Variants in INPP4B observed in about 807,000 individuals in gnomAD.
INPP4B encodes the protein inositol polyphosphate-4-phosphatase type II B.
A neutral mutation model predicts 122.5 loss-of-function variants in INPP4B; 55 were observed. The ratio of observed to expected loss-of-function variants is 0.45; its 90% confidence interval spans 0.36 to 0.56. INPP4B has a LOEUF of 0.56. INPP4B is among the 20% of genes least tolerant of loss of function. The pLI, the probability that INPP4B is intolerant of heterozygous loss-of-function variation, is 0.00. For missense variants in INPP4B, 1,000 were observed against 1,097.7 expected (o/e 0.91, Z 1.26); for synonymous variants, 403 against 388.7 (o/e 1.04, Z -0.43).
At chr4:142,620,092 T>C (rs1243205010) in intron 2 of INPP4B, among the ~76,000 whole-genome samples, 1 of 151,926 alleles carries the variant, frequency 6.6e-6, no homozygotes, top group East Asian at 1.9e-4. Flanking sequence ...GAAAGCATCG[T>C]GGAGATTTCT....
intron 7 of INPP4B, among the ~76,000 whole-genome samples, chr4:142,382,498 C>T (rs1315251135): frequency 4.0e-5 from 6 of 149,188 alleles, no homozygotes; most frequent in Non-Finnish European, 8.9e-5. Context: ...GACAGTGAGA[C>T]TCCGTTTCAA....
At chr4:142,225,718 G>A (rs1851253638) in intron 12 of INPP4B, among the ~76,000 whole-genome samples, 1 of 151,782 alleles carries the variant, frequency 6.6e-6, no homozygotes, top group South Asian at 2.1e-4. Context: ...AAGGGGGCAG[G>A]AGAAAAAGAG....
intron 2 of INPP4B, among the ~76,000 whole-genome samples, chr4:142,695,755 C>T (rs1192824566): frequency 6.6e-6 from 1 of 152,134 alleles, no homozygotes; most frequent in Non-Finnish European, 1.5e-5. Context: ...CTCTATCCAA[C>T]AGAGCACTAA....
At chr4:142,798,391 T>C (rs1777554619) in intron 1 of INPP4B, among the ~76,000 whole-genome samples, 1 of 151,884 alleles carries the variant, frequency 6.6e-6, no homozygotes, top group African/African-American at 2.4e-5. Flanking sequence ...TACTTAGAGT[T>C]AAAGCATGAA....
chr4:142,106,416 G>A (rs1404019248), intron 23 of INPP4B, among the ~76,000 whole-genome samples: 1 of 152,042 alleles, frequency 6.6e-6, no homozygotes, highest in Non-Finnish European at 1.5e-5. Context: ...GAGTAGCTGG[G>A]ATCACAGACA....
chr4:142,134,732 G>C (rs1248682940), intron 18 of INPP4B, among the ~76,000 whole-genome samples: 5 of 149,512 alleles, frequency 3.3e-5, no homozygotes, highest in African/African-American at 1.2e-4. Context: ...GGGGGACGGA[G>C]GTTGTGGTGA....
In INPP4B at chr4:142,082,004, AAAAAACTT is replaced by A; in HGVS notation, c.2642+19_2642+26del. ...AACAACTCAAAATGACCTTAAAAGA[AAAAAACTT>A]GAAAAACATGTGAGATACCTTCTCA... is the stretch of plus-strand genomic sequence containing the variant. On this transcript the variant is annotated intron_variant, in intron 25 of 25. Coordinates refer to ENST00000262992, the MANE Select transcript of INPP4B (RefSeq NM_001101669.3). 1 of 1,411,158 alleles carries A rather than the reference AAAAAACTT, an allele frequency of 7.1e-7. No homozygotes were observed. The highest frequency in any genetic ancestry group is 1.9e-5 in the South Asian group (1 of 52,200). 87.4% of individuals were successfully genotyped at this position (1,411,158 alleles called of 1,614,324 possible).
At chr4:142,317,561 C>A (rs990588088) in intron 7 of INPP4B, 1 of 222,156 alleles carries the variant, frequency 4.5e-6, no homozygotes, top group Admixed American at 4.5e-5. Flanking sequence ...AAGAATTTGT[C>A]CTGTATGGAA....
chr4:142,599,255 T>G (rs1032893160), intron 2 of INPP4B, among the ~76,000 whole-genome samples: 1 of 152,138 alleles, frequency 6.6e-6, no homozygotes, highest in Non-Finnish European at 1.5e-5. Context: ...GACTGTCTGC[T>G]AACACCAGTG....
Position 142,160,394 on chromosome 4 carries a change from G to A in INPP4B, c.1527C>T (p.Ser509=). The change falls in exon 17 of 26, where the codon TCC becomes TCT. Residue 509 remains serine (S), a synonymous_variant. Coordinates refer to ENST00000262992, the MANE Select transcript of INPP4B (RefSeq NM_001101669.3). The part of the protein sequence containing the change: ...DQPPVMRGQD[S]IPHHSDYDEE... ...CATCATAGTCTGAATGATGTGGTAT[G>A]GAGTCCTGCCCTCTCATCACTGGGG... 1 of 1,590,472 alleles carries A rather than the reference G, an allele frequency of 6.3e-7. No individual in the cohort carries two copies. The highest frequency in any genetic ancestry group is 8.6e-7 in the Non-Finnish European group (1 of 1,162,644).
intron 19 of INPP4B, 88 bp downstream of exon 19, chr4:142,124,500 T>G (rs1797871494): frequency 3.4e-6 from 4 of 1,187,424 alleles, no homozygotes. Flanking sequence ...AAAATAAAGC[T>G]GTCCCAATAA....
At chr4:142,670,954 G>A (rs933508287) in intron 2 of INPP4B, among the ~76,000 whole-genome samples, 3 of 151,982 alleles carry the variant, frequency 2.0e-5, no homozygotes, top group Non-Finnish European at 4.4e-5. Flanking sequence ...AGAAAGAGGG[G>A]AAGCTAGAAG....
chr4:142,528,012 A>C (rs559048654), intron 2 of INPP4B, among the ~76,000 whole-genome samples: 1 of 152,182 alleles, frequency 6.6e-6, no homozygotes. Flanking sequence ...ATCATGCACT[A>C]AAATGCTAGT....
chr4:142,571,051 G>T (rs1454838263), intron 2 of INPP4B, among the ~76,000 whole-genome samples: 2 of 119,748 alleles, frequency 1.7e-5, no homozygotes, highest in African/African-American at 6.5e-5. Flanking sequence ...CTATCCCAAA[G>T]AATTCCAGGA....
Position 142,440,347 on chromosome 4 carries a change from T to A in INPP4B, c.-126-8962A>T, listed in dbSNP as rs77490843. ...AGGGCTCAAATAAATCCAGGATGAC[T>A]GCATGGAAGAGGCTCCAGGAAGTGA... is the stretch of plus-strand genomic sequence containing the variant. On this transcript the variant is annotated intron_variant, in intron 3 of 25. Coordinates refer to ENST00000262992, the MANE Select transcript of INPP4B (RefSeq NM_001101669.3). Among the ~76,000 whole-genome samples, 621 of 152,278 alleles carry A rather than the reference T, an allele frequency of 4.1e-3. 7 individuals carry two copies. Among genetic ancestry groups the A allele is most frequent in the African/African-American group, 0.014 (590 of 41,564 alleles).
intron 2 of INPP4B, among the ~76,000 whole-genome samples, chr4:142,545,695 A>ATGTG (rs765668846): frequency 0.045 from 5,351 of 119,524 alleles, 165 homozygotes; most frequent in Middle Eastern, 0.13. Context: ...ACACATATAT[A>ATGTG]TGTGTATATA....
At chr4:142,447,690 G>GTCC (rs1488895491) in intron 3 of INPP4B, among the ~76,000 whole-genome samples, 1 of 152,164 alleles carries the variant, frequency 6.6e-6, no homozygotes, top group Non-Finnish European at 1.5e-5. Context: ...TGGAGGACCA[G>GTCC]GAGTTTGAAC....
chr4:142,457,496 G>T (rs1471628773), intron 3 of INPP4B, among the ~76,000 whole-genome samples: 3 of 151,984 alleles, frequency 2.0e-5, no homozygotes, highest in Non-Finnish European at 4.4e-5. Context: ...CTACACCAAA[G>T]AAAACATATA....
chr4:142,309,559 G>C (rs923586650), intron 8 of INPP4B, among the ~76,000 whole-genome samples: 14 of 151,814 alleles, frequency 9.2e-5, no homozygotes, highest in Non-Finnish European at 2.1e-4. Context: ...ACATGTCACA[G>C]AACTAGTTAA....
Sources: allele counts gnomAD v4.1 joint callset (sites outside exome capture counted in the v4.1 genomes callset), GRCh38; gene constraint gnomAD v4.1.1; transcripts MANE v1.5; gene names NCBI Gene and HGNC (gene_info 2026-07-23, HGNC 2026-07-21).